PAPSS1: variants seen among roughly 807,000 people sequenced by gnomAD.
The protein encoded by PAPSS1 is 3'-phosphoadenosine 5'-phosphosulfate synthase 1, also known as bifunctional 3'-phosphoadenosine 5'-phosphosulfate synthase 1.
In PAPSS1, 50 loss-of-function variants were observed where a neutral mutation model predicts 72.0. The observed-to-expected ratio is 0.69, with a 90% confidence interval of 0.55 to 0.88. The LOEUF (loss-of-function observed/expected upper bound fraction) is 0.88. Among genes scored for constraint, PAPSS1 ranks in the 40% least tolerant of loss-of-function variants. The pLI is 0.00. For synonymous variants in PAPSS1, 261 were observed against 263.6 expected (o/e 0.99, Z 0.09); for missense variants, 657 against 782.2 (o/e 0.84, Z 1.91).
intron 1 of PAPSS1, 178 bp downstream of exon 1, chr4:107,719,942 G>A (rs1401806481): frequency 1.1e-5 from 15 of 1,382,230 alleles, no homozygotes; most frequent in African/African-American, 1.5e-5. Context: ...CCTGCGCCGC[G>A]CCCCTCTGCC....
At position 107,710,065 on chromosome 4, in the gene PAPSS1, T is replaced by G. The variant is rs1249407200; in HGVS notation, c.61-8780A>C. The stretch of plus-strand genomic sequence containing the variant: ...AATCTTCTTCTACTTCCCCTTTCCT[T>G]CCTTCTGCACCCACTTCAGCCAAAT... On this transcript the variant is annotated intron_variant, in intron 1 of 11. Coordinates refer to ENST00000265174, the MANE Select transcript of PAPSS1 (RefSeq NM_005443.5). Among the ~76,000 whole-genome samples, 8 of 152,328 alleles carry G rather than the reference T, an allele frequency of 5.3e-5. 2 individuals carry two copies. The highest frequency in any genetic ancestry group is 4.6e-4 in the Admixed American group (7 of 15,304).
At chr4:107,626,330 G>A (rs1231234461) in intron 11 of PAPSS1, among the ~76,000 whole-genome samples, 4 of 152,120 alleles carry the variant, frequency 2.6e-5, no homozygotes, top group Non-Finnish European at 4.4e-5. Context: ...TGTACTGTCT[G>A]CTTTTTGAGT....
intron 9 of PAPSS1, among the ~76,000 whole-genome samples, chr4:107,651,441 C>T (rs1726837235): frequency 6.6e-6 from 1 of 152,132 alleles, no homozygotes; most frequent in Admixed American, 6.5e-5. Flanking sequence ...ACCTGTATTA[C>T]CATGTTGCTA....
chr4:107,660,016 A>AT lies in PAPSS1; in HGVS notation c.725dup (p.Asn242LysfsTer2). ...CATCTGTTTTTGCCAAATGAAGTTTATTTTCTGGCACATATAGTTCTTTTA... is the reference window on the plus strand; with the variant it reads ...CATCTGTTTTTGCCAAATGAAGTTTATTTTTCTGGCACATATAGTTCTTTTA... On this transcript the variant is annotated frameshift_variant, in exon 6 of 12. Transcript: ENST00000265174. LOFTEE classifies it high-confidence loss of function. 1 of 1,608,512 alleles carries AT rather than the reference A, an allele frequency of 6.2e-7. No homozygotes were observed. The highest frequency in any genetic ancestry group is 2.2e-5 in the East Asian group (1 of 44,702).
intron 10 of PAPSS1, among the ~76,000 whole-genome samples, chr4:107,641,700 T>C (rs1726548816): frequency 6.6e-6 from 1 of 152,194 alleles, no homozygotes; most frequent in Non-Finnish European, 1.5e-5. Context: ...ATTAGCTTTA[T>C]ATTATATTAA....
At chr4:107,676,081 T>G (rs1218961603) in intron 5 of PAPSS1, among the ~76,000 whole-genome samples, 13 of 152,172 alleles carry the variant, frequency 8.5e-5, no homozygotes, top group Admixed American at 2.6e-4. Context: ...AATATCATAC[T>G]GAATGGGCAA....
chr4:107,695,067 A>C (rs1301186263), intron 2 of PAPSS1, among the ~76,000 whole-genome samples: 3 of 152,158 alleles, frequency 2.0e-5, no homozygotes. Context: ...CATTGAATAC[A>C]TAGATTACTT....
intron 3 of PAPSS1, among the ~76,000 whole-genome samples, chr4:107,688,941 C>G (rs1722852702): frequency 1.3e-5 from 2 of 152,208 alleles, no homozygotes; most frequent in Admixed American, 6.5e-5. Context: ...CCACACTACA[C>G]ACCCACAATC....
chr4:107,701,979 A>G (rs948424510), intron 1 of PAPSS1, among the ~76,000 whole-genome samples: 2 of 146,120 alleles, frequency 1.4e-5, no homozygotes, highest in African/African-American at 5.0e-5. Flanking sequence ...GCTGCTTCAA[A>G]AAAAAAAAAA....
At chr4:107,635,185 T>C (rs1365622633) in intron 10 of PAPSS1, among the ~76,000 whole-genome samples, 2 of 152,202 alleles carry the variant, frequency 1.3e-5, no homozygotes, top group Non-Finnish European at 2.9e-5. Context: ...AAAACATGAA[T>C]ACACTTTTTT....
intron 6 of PAPSS1, among the ~76,000 whole-genome samples, chr4:107,657,520 A>C (rs1727051419): frequency 6.6e-6 from 1 of 152,142 alleles, no homozygotes; most frequent in African/African-American, 2.4e-5. Context: ...TCAGGAGCTC[A>C]AGACCAGCCT....
At chr4:107,668,590 G>C (rs1445227568) in intron 5 of PAPSS1, among the ~76,000 whole-genome samples, 2 of 152,094 alleles carry the variant, frequency 1.3e-5, no homozygotes, top group Admixed American at 6.6e-5. Flanking sequence ...GCAGGAAAAT[G>C]TGAAAAGAGA....
At position 107,653,383 on chromosome 4, in the gene PAPSS1, T is replaced by C. The variant is rs111276132; in HGVS notation, c.1237+108A>G. 118 of 874,208 alleles carry C rather than the reference T, an allele frequency of 1.3e-4. 1 individual carries two copies. The highest frequency in any genetic ancestry group is 1.3e-3 in the African/African-American group (77 of 58,388). The allele number at this position is 874,208 out of a possible 1,614,324, so 54.2% of individuals were successfully genotyped here. A position where few individuals can be genotyped will look rare whatever the true frequency, so the allele number is the denominator to read the frequency against. On this transcript the variant is annotated intron_variant, in intron 9 of 11. Transcript: ENST00000265174. The stretch of plus-strand genomic sequence containing the variant: ...TACCTTTCTTTACATATTCCACTGC[T>C]ATATTTACCTGTACTCATCGTTTTA...
chr4:107,669,518 G>A (rs1351959459), intron 5 of PAPSS1, among the ~76,000 whole-genome samples: 1 of 152,134 alleles, frequency 6.6e-6, no homozygotes, highest in African/African-American at 2.4e-5. Flanking sequence ...CCATGAGGCT[G>A]GAATGTTTAT....
rs1317576249 is a variant in PAPSS1, at chr4:107,693,987, C to T, written c.195G>A (p.Lys65=). The change falls in exon 3 of 12, where the codon AAG becomes AAA. Residue 65 remains lysine, a synonymous_variant. Coordinates refer to ENST00000265174, the MANE Select transcript of PAPSS1 (RefSeq NM_005443.5). ...CCTCCAAGGCCATGCTCACAGTAGT[C>T]TTTCCCGCTCCAGACAAGCCTAAAA... ...VWLTGLSGAG[K]TTVSMALEEY... 1.2e-6 allele frequency: 2 copies of T among 1,612,636 alleles called. No homozygotes were observed. Among genetic ancestry groups the T allele is most frequent in the South Asian group, 2.2e-5 (2 of 91,058 alleles).
intron 5 of PAPSS1, among the ~76,000 whole-genome samples, chr4:107,668,935 A>G (rs1727392350): frequency 6.6e-6 from 1 of 152,142 alleles, no homozygotes; most frequent in Admixed American, 6.5e-5. Flanking sequence ...TAGGACCCCT[A>G]ACCTTCACCT....
chr4:107,654,490 G>T (rs895084990), intron 8 of PAPSS1, among the ~76,000 whole-genome samples: 1 of 152,080 alleles, frequency 6.6e-6, no homozygotes, highest in African/African-American at 2.4e-5. Flanking sequence ...ATACAATAGA[G>T]ATTTAAAATA....
intron 10 of PAPSS1, among the ~76,000 whole-genome samples, chr4:107,633,618 G>A (rs948706411): frequency 6.6e-6 from 1 of 151,984 alleles, no homozygotes; most frequent in South Asian, 2.1e-4. Context: ...AAATGGCAGC[G>A]TAAAAAGAAT....
chr4:107,666,778 T>C (rs1346042755), intron 5 of PAPSS1, among the ~76,000 whole-genome samples: 4 of 152,260 alleles, frequency 2.6e-5, no homozygotes, highest in African/African-American at 7.2e-5. Context: ...TATTTTTCCA[T>C]GAAGACAGTG....
Sources: gnomAD v4.1 joint callset for allele counts (sites outside exome capture counted in the v4.1 genomes callset) on GRCh38, gnomAD v4.1.1 for gene constraint, MANE v1.5 for transcripts, NCBI Gene and HGNC (gene_info 2026-07-23, HGNC 2026-07-21) for gene names.